DCTN2: variants seen among roughly 807,000 people sequenced by gnomAD.
The protein encoded by DCTN2 is 50 kDa dynein-associated polypeptide.
In DCTN2, 18 loss-of-function variants were observed where a neutral mutation model predicts 55.4. That is an observed-to-expected ratio of 0.32 (90% CI 0.22 to 0.48). DCTN2 has a LOEUF of 0.48. Among genes scored for constraint, DCTN2 ranks in the 20% least tolerant of loss-of-function variants. The probability of loss-of-function intolerance (pLI) is 0.99; values close to 1 mark genes in which losing one functional copy is unlikely to be tolerated. For synonymous variants in DCTN2, 168 were observed against 185.2 expected (o/e 0.91, Z 0.76); for missense variants, 390 against 491.0 (o/e 0.79, Z 1.94).
At chr12:57,546,884 T>G (rs996429604) in intron 1 of DCTN2, 144 bp downstream of exon 1, 1 of 690,662 alleles carries the variant, frequency 1.4e-6, no homozygotes, top group Non-Finnish European at 2.0e-6. Flanking sequence ...CGGGGGGTGC[T>G]GAGGCCGATC....
chr12:57,540,393 G>A (rs1880600099), intron 2 of DCTN2, among the ~76,000 whole-genome samples: 2 of 152,220 alleles, frequency 1.3e-5, no homozygotes, highest in African/African-American at 4.8e-5. Context: ...CCTATGGGTG[G>A]GTTGAAGGTT....
At chr12:57,543,310 C>G in intron 2 of DCTN2, 2 of 229,462 alleles carry the variant, frequency 8.7e-6, no homozygotes, top group South Asian at 1.0e-4. Flanking sequence ...GATCACGCCA[C>G]TGCACTCCAG....
chr12:57,542,233 G>A (rs1880753481), intron 2 of DCTN2, among the ~76,000 whole-genome samples: 1 of 151,438 alleles, frequency 6.6e-6, no homozygotes, highest in African/African-American at 2.4e-5. Flanking sequence ...CTGAGATCAC[G>A]CCATTGCACT....
chr12:57,535,613 T>G lies in DCTN2; in HGVS notation c.203-68A>C, dbSNP rs969533737. The G allele has an allele frequency of 2.2e-5, 35 of 1,573,398 alleles. No individual in the cohort carries two copies. In the African/African-American group the frequency reaches 3.4e-4, roughly 15 times the overall value. ...CAAGGCAGTCATGGTCTCAGGTGAC[T>G]GTGAGGGCTTCCATAAAATATCTCC... On this transcript the variant is annotated intron_variant, in intron 3 of 13. Coordinates refer to ENST00000548249, the MANE Select transcript of DCTN2 (RefSeq NM_001261413.2).
chr12:57,539,098 G>T lies in DCTN2; in HGVS notation c.106-3253C>A, dbSNP rs114233404. Among the ~76,000 whole-genome samples the T allele has an allele frequency of 4.7e-3, 710 of 152,324 alleles. 5 individuals are homozygous for T. Among genetic ancestry groups the T allele is most frequent in the African/African-American group, 0.016 (679 of 41,572 alleles). ...GAATCAGTCACAATGAGAGTGATCA[G>T]GTAGGAAGTCTGATATGACTTTAGG... On this transcript the variant is annotated intron_variant, in intron 2 of 13. Coordinates refer to ENST00000548249, the MANE Select transcript of DCTN2 (RefSeq NM_001261413.2).
At position 57,534,363 on chromosome 12, in the gene DCTN2, A is replaced by G. The variant is rs779008759; in HGVS notation, c.453T>C (p.Ala151=). 1 of 1,612,998 alleles carries G rather than the reference A, an allele frequency of 6.2e-7. No individual in the cohort carries two copies. Among genetic ancestry groups the G allele is most frequent in the Non-Finnish European group, 8.5e-7 (1 of 1,179,314 alleles). ...GTCCCAGCAGCTTCTCCAGGTGGGA[A>G]GCAACCAGCTGCTGCTTCAGGGCTG... ...QLAALKQQLV[A]SHLEKLLGPD... is the part of the protein sequence containing the mutation. Residue 151 remains alanine, a synonymous_variant, in exon 6 of 14, where the codon GCT becomes GCC. Transcript: ENST00000548249.
intron 2 of DCTN2, among the ~76,000 whole-genome samples, chr12:57,537,402 G>A (rs985818143): frequency 1.3e-5 from 2 of 150,044 alleles, no homozygotes; most frequent in Admixed American, 6.6e-5. Flanking sequence ...CACTTCTAGA[G>A]ATTCTAATGA....
chr12:57,534,123 T>C (rs1193443571), intron 6 of DCTN2, 26 bp from the exon 7 acceptor site: 1 of 1,566,662 alleles, frequency 6.4e-7, no homozygotes, highest in East Asian at 2.3e-5. Context: ...AGTAATAATA[T>C]CATGACTGGA....
intron 7 of DCTN2, 99 bp downstream of exon 7, chr12:57,533,854 C>G: frequency 7.7e-7 from 1 of 1,291,820 alleles, no homozygotes; most frequent in Non-Finnish European, 1.1e-6. Context: ...TCAGAGGAAT[C>G]AGAAGCCTTC....
intron 6 of DCTN2, 70 bp downstream of exon 6, chr12:57,534,220 CCT>C: frequency 1.3e-6 from 2 of 1,525,708 alleles, no homozygotes; most frequent in Admixed American, 2.0e-5. Context: ...ACTTAGCACC[CCT>C]GTCAGTAGCT....
chr12:57,544,398 T>G (rs1215088878), intron 2 of DCTN2, among the ~76,000 whole-genome samples: 3 of 149,602 alleles, frequency 2.0e-5, no homozygotes, highest in Admixed American at 2.0e-4. Context: ...AAATTTTGTT[T>G]TTTTTTTTAT....
chr12:57,534,956 C>T, intron 5 of DCTN2, 100 bp downstream of exon 5: 4 of 1,045,908 alleles, frequency 3.8e-6, no homozygotes, highest in Non-Finnish European at 5.7e-6. Context: ...AGGCGTGAGC[C>T]ACCGCACCCA....
chr12:57,533,813 A>G (rs1879973109), intron 7 of DCTN2, 140 bp downstream of exon 7: 2 of 901,114 alleles, frequency 2.2e-6, no homozygotes, highest in Admixed American at 2.8e-5. Flanking sequence ...ACAACGAATC[A>G]GGAATCAAAA....
chr12:57,536,764 A>G (rs1176724011), intron 2 of DCTN2, among the ~76,000 whole-genome samples: 6 of 152,068 alleles, frequency 3.9e-5, no homozygotes. Context: ...CAGTGACAAC[A>G]CCAAGACTGC....
rs1407968817 is a variant in DCTN2 at position 57,530,669 on chromosome 12, TC to T, written c.*19del. ...TCACAGGGGTAGGGATAACCCCTGT[TC>T]TCCAGCTCCCAAATGTGCTCACTTT... On this transcript the variant is annotated 3_prime_UTR_variant, in exon 14 of 14. Transcript: ENST00000548249. 1 of 1,607,324 alleles carries T rather than the reference TC, an allele frequency of 6.2e-7. No homozygotes were observed. The highest frequency in any genetic ancestry group is 1.3e-5 in the African/African-American group (1 of 74,776).
chr12:57,534,949 C>T (rs985609901), intron 5 of DCTN2, 107 bp downstream of exon 5: 5 of 939,892 alleles, frequency 5.3e-6, no homozygotes, highest in East Asian at 2.7e-5. Context: ...GGATTATAGG[C>T]GTGAGCCACC....
intron 7 of DCTN2, among the ~76,000 whole-genome samples, 183 bp downstream of exon 7, chr12:57,533,770 C>CAA (rs34012531): frequency 2.4e-5 from 3 of 124,824 alleles, no homozygotes; most frequent in East Asian, 2.3e-4. Flanking sequence ...GACTCCGTCT[C>CAA]AAAAAAAAAA....
At chr12:57,531,620 C>T (rs963804419) in intron 13 of DCTN2, among the ~76,000 whole-genome samples, 8 of 152,238 alleles carry the variant, frequency 5.3e-5, no homozygotes, top group South Asian at 2.1e-4. Context: ...AGAAAGGAAG[C>T]GACAGAACGA....
chr12:57,545,445 C>T (rs1881070721), intron 2 of DCTN2, among the ~76,000 whole-genome samples: 1 of 152,174 alleles, frequency 6.6e-6, no homozygotes, highest in Admixed American at 6.5e-5. Context: ...TGTTTCCCCT[C>T]ACAGTTAAAA....
Sources: gnomAD v4.1 joint callset for allele counts (sites outside exome capture counted in the v4.1 genomes callset) on GRCh38, gnomAD v4.1.1 for gene constraint, MANE v1.5 for transcripts, NCBI Gene and HGNC (gene_info 2026-07-23, HGNC 2026-07-21) for gene names.